The following ZNF280D variants were observed in gnomAD, a reference collection of about 807,000 sequenced individuals.
ZNF280D encodes suppressor of hairy wing homolog 4.
In ZNF280D, 39 loss-of-function variants were observed where a neutral mutation model predicts 94.7. That is an observed-to-expected ratio of 0.41 (90% CI 0.32 to 0.54). The LOEUF (loss-of-function observed/expected upper bound fraction) is 0.54. Ranked by LOEUF, ZNF280D falls within the 20% of genes least tolerant of loss-of-function variation. The pLI, the probability that ZNF280D is intolerant of heterozygous loss-of-function variation, is 0.22. For synonymous variants in ZNF280D, 398 were observed against 377.6 expected (o/e 1.05, Z -0.63); for missense variants, 1,090 against 1,149.3 (o/e 0.95, Z 0.75).
Position 56,630,530 on chromosome 15 carries a change from A to G in ZNF280D, c.*968T>C, listed in dbSNP as rs1467162566. 1 of 152,142 alleles carries G rather than the reference A, an allele frequency of 6.6e-6. No homozygotes were observed. Among genetic ancestry groups the G allele is most frequent in the East Asian group, 1.9e-4 (1 of 5,200 alleles). The allele number at this position is 152,142 out of a possible 1,614,324, so 9.4% of individuals were successfully genotyped here. A position where few individuals can be genotyped will look rare whatever the true frequency, so the allele number is the denominator to read the frequency against. On this transcript the variant is annotated 3_prime_UTR_variant, in exon 22 of 22. Transcript: ENST00000267807. ...TGAAGTTTTTATTTTACAATTACAG[A>G]AAAGTCACTTAAACATGGCTGAATA...
At chr15:56,733,359 A>C in intron 1 of ZNF280D, 99 bp downstream of exon 1, 2 of 705,556 alleles carry the variant, frequency 2.8e-6, no homozygotes, top group Non-Finnish European at 3.5e-6. Flanking sequence ...CGGCCTCAAG[A>C]CCCCCAGTCC....
intron 11 of ZNF280D, 26 bp from the exon 12 acceptor site, chr15:56,677,700 A>T: frequency 2.8e-6 from 3 of 1,054,236 alleles, no homozygotes; most frequent in Non-Finnish European, 4.0e-6. Context: ...AAACAGTATA[A>T]TAATATTTAA....
Position 56,682,325 on chromosome 15 carries a change from G to C in ZNF280D, c.933C>G (p.Val311=), listed in dbSNP as rs1242451184. 5.6e-6 allele frequency: 9 copies of C among 1,596,668 alleles called. No individual in the cohort carries two copies. The highest frequency in any genetic ancestry group is 1.8e-5 in the Admixed American group (1 of 54,876). The change falls in exon 10 of 22, where the codon GTC becomes GTG. Residue 311 remains valine (V), a synonymous_variant. Coordinates refer to ENST00000267807, the MANE Select transcript of ZNF280D (RefSeq NM_017661.4). ...DFYYGKHEGD[V]QEEQKTHTTF... is the part of the protein sequence containing the mutation. The stretch of plus-strand genomic sequence containing the variant: ...TTGTGTGAGTCTTCTGTTCCTCCTG[G>C]ACATCTCCTTCATGTTTTCCATAAT...
At chr15:56,705,947 A>C (rs1215860157) in intron 3 of ZNF280D, among the ~76,000 whole-genome samples, 2 of 151,252 alleles carry the variant, frequency 1.3e-5, no homozygotes, top group African/African-American at 4.9e-5. Context: ...AGTATTATTT[A>C]TATCCAGTTG....
At chr15:56,660,554 A>G (rs902000277) in intron 16 of ZNF280D, among the ~76,000 whole-genome samples, 65 of 152,132 alleles carry the variant, frequency 4.3e-4, no homozygotes, top group African/African-American at 1.6e-3. Flanking sequence ...TCACACATAA[A>G]AAGGAAAAAA....
intron 10 of ZNF280D, among the ~76,000 whole-genome samples, chr15:56,680,615 T>C (rs568281759): frequency 6.7e-6 from 1 of 149,524 alleles, no homozygotes; most frequent in South Asian, 2.1e-4. Context: ...TAGCTGGGAC[T>C]ACAGGTGCAC....
At chr15:56,705,277 A>T (rs895189891) in intron 3 of ZNF280D, among the ~76,000 whole-genome samples, 5 of 152,202 alleles carry the variant, frequency 3.3e-5, no homozygotes, top group African/African-American at 7.2e-5. Context: ...TTTCATTGAC[A>T]AGTCATAACT....
chr15:56,631,686 A>C lies in ZNF280D; in HGVS notation c.2752T>G (p.Leu918Val), dbSNP rs1326830921. 3.1e-6 allele frequency: 5 copies of C among 1,614,146 alleles called. No homozygotes were observed. Among genetic ancestry groups the C allele is most frequent in the Non-Finnish European group, 4.2e-6 (5 of 1,180,010 alleles). The change falls in exon 22 of 22, where the codon TTG becomes GTG. Residue 918 changes from leucine to valine, a missense_variant. By Grantham distance (32) the Leu-to-Val change is conservative. Transcript: ENST00000267807. ...ACCTCGGATGGAGTCAGAGGTTCCA[A>C]ATGAATACTGCCTTGCTCGCTAACA... Reference protein sequence around the residue: ...SDVSEQGSIHLEPLTPSEVLE... With the variant: ...SDVSEQGSIHVEPLTPSEVLE...
rs2056466496 is a variant in ZNF280D at position 56,692,293 on chromosome 15, T to C, written c.499+805A>G. Among the ~76,000 whole-genome samples, 4 of 152,108 alleles carry C rather than the reference T, an allele frequency of 2.6e-5. No individual in the cohort carries two copies. The South Asian group carries it at 8.3e-4, about 32-fold the overall frequency. On this transcript the variant is annotated intron_variant, in intron 7 of 21. Transcript: ENST00000267807. ...ACAGTTTAAGTTTATAATAAAAGTA[T>C]TACTATTAAAAAAAAACTGGGAGAG...
rs752406605 is a variant in ZNF280D at position 56,632,069 on chromosome 15, G to T, written c.2369C>A (p.Ser790Ter). 1.2e-6 allele frequency: 2 copies of T among 1,603,640 alleles called. No homozygotes were observed. The highest frequency in any genetic ancestry group is 3.4e-5 in the Admixed American group (2 of 58,736). Residue 790 changes from serine (S) to a stop codon, truncating the protein, a stop_gained, in exon 22 of 22, where the codon TCA becomes TAA. Coordinates refer to ENST00000267807, the MANE Select transcript of ZNF280D (RefSeq NM_017661.4). LOFTEE classifies it low-confidence loss of function (END_TRUNC). ...TTTTGTTGTTGATGAGCCTTCAAAT[G>T]AATTTGCATTACATCCATTTTTTTC... ...SKEKNGCNAN[S>*]FEGSSTTKSE...
intron 16 of ZNF280D, among the ~76,000 whole-genome samples, chr15:56,664,716 C>G (rs1943412699): frequency 6.6e-6 from 1 of 152,038 alleles, no homozygotes; most frequent in Admixed American, 6.6e-5. Context: ...AAGACCTAAT[C>G]AGAATTAAAG....
intron 20 of ZNF280D, among the ~76,000 whole-genome samples, chr15:56,638,072 T>C (rs1330123757): frequency 5.3e-5 from 8 of 152,166 alleles, no homozygotes; most frequent in Admixed American, 1.3e-4. Context: ...AGAGTTTCAG[T>C]AGACTTTTTC....
intron 13 of ZNF280D, among the ~76,000 whole-genome samples, chr15:56,672,679 G>A (rs1229728459): frequency 6.6e-6 from 1 of 151,756 alleles, no homozygotes; most frequent in Non-Finnish European, 1.5e-5. Context: ...TTGTTTGTTT[G>A]TTTTTGGCAC....
chr15:56,706,734 T>C (rs1272588072), intron 3 of ZNF280D, among the ~76,000 whole-genome samples: 1 of 152,076 alleles, frequency 6.6e-6, no homozygotes, highest in Non-Finnish European at 1.5e-5. Context: ...CAGGGCACTG[T>C]CATTGTTAAT....
At chr15:56,668,006 C>T in intron 14 of ZNF280D, 1 of 357,342 alleles carries the variant, frequency 2.8e-6, no homozygotes, top group South Asian at 2.1e-5. Context: ...CATTAGTGTT[C>T]TGCATGTCTA....
At chr15:56,659,977 T>C (rs1335155848) in intron 16 of ZNF280D, among the ~76,000 whole-genome samples, 7 of 152,016 alleles carry the variant, frequency 4.6e-5, no homozygotes, top group Non-Finnish European at 1.0e-4. Context: ...AATCACAGAC[T>C]CTGTATGTGT....
At chr15:56,665,220 C>A (rs2054204559) in intron 16 of ZNF280D, among the ~76,000 whole-genome samples, 1 of 151,992 alleles carries the variant, frequency 6.6e-6, no homozygotes, top group South Asian at 2.1e-4. Flanking sequence ...CAGCAAGTAA[C>A]AGAGAAGTCA....
intron 19 of ZNF280D, among the ~76,000 whole-genome samples, chr15:56,646,111 A>T (rs2052877317): frequency 6.6e-6 from 1 of 152,158 alleles, no homozygotes; most frequent in African/African-American, 2.4e-5. Flanking sequence ...ACCAGTAGTA[A>T]AGTCAGCCAG....
chr15:56,717,363 G>C (rs1253268206), intron 1 of ZNF280D, among the ~76,000 whole-genome samples: 1 of 152,054 alleles, frequency 6.6e-6, no homozygotes, highest in East Asian at 1.9e-4. Flanking sequence ...CTATAGGGTG[G>C]GAGAAGTAAA....
Sources: gnomAD v4.1 joint callset for allele counts (sites outside exome capture counted in the v4.1 genomes callset) on GRCh38, gnomAD v4.1.1 for gene constraint, MANE v1.5 for transcripts, NCBI Gene and HGNC (gene_info 2026-07-23, HGNC 2026-07-21) for gene names.